RAB40C: variants seen among roughly 807,000 people sequenced by gnomAD.
The protein encoded by RAB40C is ras-related protein Rab-40C.
In RAB40C, 8 loss-of-function variants were observed where a neutral mutation model predicts 28.1. The observed-to-expected ratio is 0.28, with a 90% confidence interval of 0.17 to 0.51. RAB40C has a LOEUF of 0.51. Ranked by LOEUF, RAB40C falls within the 20% of genes least tolerant of loss-of-function variation. The pLI is 0.97. For synonymous variants in RAB40C, 201 were observed against 171.7 expected, an observed-to-expected ratio of 1.17 and a Z score of -1.34; for missense variants, 288 against 405.9, an observed-to-expected ratio of 0.71 and a Z score of 2.50.
chr16:625,077 G>A lies in RAB40C; in HGVS notation c.265-355G>A, dbSNP rs1178292941. Reference sequence around the variant, plus strand: ...TCCCGGGGGGATTCACTGATGGACTGGCCGAGAGGACACTTAGCTTCCACA... The same window carrying A: ...TCCCGGGGGGATTCACTGATGGACTAGCCGAGAGGACACTTAGCTTCCACA... On this transcript the variant is annotated intron_variant, in intron 3 of 5. Coordinates refer to ENST00000248139, the MANE Select transcript of RAB40C (RefSeq NM_021168.5). The A allele has an allele frequency of 3.1e-6, 4 of 1,288,834 alleles. No individual in the cohort carries two copies. The South Asian group carries it at 3.7e-5, about 12-fold the overall frequency. 79.8% of individuals were successfully genotyped at this position (1,288,834 alleles called of 1,614,324 possible).
intron 3 of RAB40C, among the ~76,000 whole-genome samples, chr16:619,587 G>A (rs1028337425): frequency 6.6e-6 from 1 of 152,180 alleles, no homozygotes; most frequent in African/African-American, 2.4e-5. Context: ...GGTCTGTCCT[G>A]TCTGTGATGC....
intron 4 of RAB40C, 149 bp downstream of exon 4, chr16:625,658 C>A: frequency 1.1e-6 from 1 of 929,428 alleles, no homozygotes; most frequent in Non-Finnish European, 1.6e-6. Context: ...CCTGGGCATG[C>A]TGGTCACTGT....
intron 1 of RAB40C, among the ~76,000 whole-genome samples, chr16:591,313 T>TG (rs1783492369): frequency 6.6e-6 from 1 of 151,628 alleles, no homozygotes; most frequent in African/African-American, 2.4e-5. Flanking sequence ...GAAGGTGTCA[T>TG]GGGTCTGGGA....
At chr16:609,709 A>G (rs1163501387) in intron 1 of RAB40C, among the ~76,000 whole-genome samples, 1 of 152,362 alleles carries the variant, frequency 6.6e-6, no homozygotes, top group Admixed American at 6.5e-5. Context: ...AATTATAAAT[A>G]AGCAGCACAT....
At position 593,156 on chromosome 16, in the gene RAB40C, CAGCACAA is replaced by C. The variant is rs150794581; in HGVS notation, c.142+2724_142+2730del. ...TAAGGTCTCAAGGTTAAGACGTGCA[CAGCACAA>C]GGAGCAGGTCTTTGTGGTCAGGTGG... On this transcript the variant is annotated intron_variant, in intron 1 of 5. Transcript: ENST00000248139. 2.9e-3 allele frequency among the ~76,000 whole-genome samples: 446 copies of C among 152,330 alleles called. 11 individuals are homozygous for C. Among genetic ancestry groups the C allele is most frequent in the Admixed American group, 0.022 (343 of 15,308 alleles).
intron 1 of RAB40C, among the ~76,000 whole-genome samples, chr16:614,202 G>A (rs1376309098): frequency 6.8e-6 from 1 of 146,300 alleles, no homozygotes; most frequent in Admixed American, 6.8e-5. Context: ...TCCCTATGGT[G>A]AACTGCTAAC....
chr16:597,986 C>G (rs1240155928), intron 1 of RAB40C, among the ~76,000 whole-genome samples: 1 of 149,144 alleles, frequency 6.7e-6, no homozygotes, highest in Non-Finnish European at 1.5e-5. Flanking sequence ...GTGGCTCACA[C>G]CTGTAATTCC....
At chr16:602,625 G>A (rs1318817121) in intron 1 of RAB40C, among the ~76,000 whole-genome samples, 1 of 152,024 alleles carries the variant, frequency 6.6e-6, no homozygotes, top group African/African-American at 2.4e-5. Flanking sequence ...TAGAGATGAG[G>A]TTTCACCATG....
chr16:617,341 G>C, intron 2 of RAB40C, 73 bp downstream of exon 2: 1 of 1,559,038 alleles, frequency 6.4e-7, no homozygotes, highest in Non-Finnish European at 8.8e-7. Context: ...AACCCTTAGA[G>C]AAACAGGAAG....
At chr16:617,567 G>T (rs937538733) in intron 2 of RAB40C, among the ~76,000 whole-genome samples, 3 of 152,170 alleles carry the variant, frequency 2.0e-5, no homozygotes, top group Admixed American at 6.5e-5. Flanking sequence ...TCCCAGCGGG[G>T]TGTGGTGGCT....
intron 3 of RAB40C, among the ~76,000 whole-genome samples, chr16:620,176 C>T (rs2036681656): frequency 1.3e-5 from 2 of 152,208 alleles, no homozygotes; most frequent in South Asian, 2.1e-4. Context: ...AGACAGATCA[C>T]GAGGTCAAGA....
chr16:622,336 C>T (rs1195648140), intron 3 of RAB40C, among the ~76,000 whole-genome samples: 3 of 152,138 alleles, frequency 2.0e-5, no homozygotes, highest in South Asian at 2.1e-4. Flanking sequence ...TCAGGGCGTG[C>T]GGGTGGGAGC....
Sources: gnomAD v4.1 joint callset for allele counts (sites outside exome capture counted in the v4.1 genomes callset) on GRCh38, gnomAD v4.1.1 for gene constraint, MANE v1.5 for transcripts, NCBI Gene and HGNC (gene_info 2026-07-23, HGNC 2026-07-21) for gene names.